Variants in MYOM3 observed in about 807,000 individuals in gnomAD.
The protein encoded by MYOM3 is myomesin-3.
A neutral mutation model predicts 191.7 loss-of-function variants in MYOM3; 155 were observed. That is an observed-to-expected ratio of 0.81 (90% CI 0.71 to 0.92). MYOM3 has a LOEUF of 0.92. Among genes scored for constraint, MYOM3 ranks in the 40% least tolerant of loss-of-function variants. The pLI is 0.00. For synonymous variants in MYOM3, 757 were observed against 762.9 expected, an observed-to-expected ratio of 0.99 and a Z score of 0.13; for missense variants, 1,889 against 1,890.6, an observed-to-expected ratio of 1.00 and a Z score of 0.02.
rs1262300460 is a variant in MYOM3, at chr1:24,063,318, T to G, written c.3662-84A>C. 7.3e-7 allele frequency: 1 copy of G among 1,367,616 alleles called. No homozygotes were observed. Among genetic ancestry groups the G allele is most frequent in the Admixed American group, 1.7e-5 (1 of 58,372 alleles). 84.7% of individuals were successfully genotyped at this position (1,367,616 alleles called of 1,614,324 possible). On this transcript the variant is annotated intron_variant, in intron 31 of 36. Coordinates refer to ENST00000374434, the MANE Select transcript of MYOM3 (RefSeq NM_152372.4). This position sits in a 1 kb window ranked among gnomAD's most constrained non-coding sequence, Gnocchi z 4.5. ...GGGGCCGGCTTGTCTGCCTCTGCCC[T>G]GGGGGGCAGGTGCTGTGGGGGAAAT...
chr1:24,099,199 T>C (rs1643894658), intron 6 of MYOM3, among the ~76,000 whole-genome samples: 1 of 152,192 alleles, frequency 6.6e-6, no homozygotes, highest in South Asian at 2.1e-4. Flanking sequence ...AAGGCTGAAC[T>C]CTCTCCCATG....
In MYOM3 at chr1:24,082,061, G is replaced by C. The variant is rs1401288722; in HGVS notation, c.2220C>G (p.Asp740Glu). ...KILGYFLDQH[D>E]SEELDWHAVN... is the part of the protein sequence containing the mutation. ...CCGCATGCCAGTCCAGCTCTTCCGAGTCATGCTGGTCCAGGAAGTAGCCCA... is the reference window on the plus strand; with the variant it reads ...CCGCATGCCAGTCCAGCTCTTCCGACTCATGCTGGTCCAGGAAGTAGCCCA... Residue 740 changes from aspartate to glutamate, a missense_variant, in exon 18 of 37, where the codon GAC becomes GAG. Physicochemically the swap from Asp to Glu is conservative, Grantham distance 45. Coordinates refer to ENST00000374434, the MANE Select transcript of MYOM3 (RefSeq NM_152372.4). The C allele has an allele frequency of 1.2e-6, 2 of 1,612,740 alleles. No homozygotes were observed. The highest frequency in any genetic ancestry group is 2.7e-5 in the African/African-American group (2 of 74,940).
chr1:24,069,833 AC>A (rs1347686404), intron 25 of MYOM3, among the ~76,000 whole-genome samples: 3 of 150,356 alleles, frequency 2.0e-5, no homozygotes, highest in African/African-American at 7.4e-5. Flanking sequence ...CTGGTCTTGA[AC>A]TCCTGACCTC....
Position 24,094,880 on chromosome 1 carries a change from C to A in MYOM3, c.901G>T (p.Ala301Ser), listed in dbSNP as rs369834321. The A allele has an allele frequency of 2.5e-6, 4 of 1,613,682 alleles. No individual in the cohort carries two copies. The African/African-American group carries it at 4.0e-5, about 16-fold the overall frequency. ...TCTCGGAACCACTGGATGCTCTCAG[C>A]ATCTAACACATCTTCCGAAAACAAG... ...SCLFSEDVLD[A>S]ESIQWFRDGS... The change falls in exon 9 of 37, where the codon GCT becomes TCT. Residue 301 changes from alanine (A) to serine (S), a missense_variant. Ala to Ser is a moderately conservative substitution (Grantham distance 99). Transcript: ENST00000374434.
Position 24,089,628 on chromosome 1 carries a change from A to C in MYOM3, c.1524T>G (p.His508Gln). 1.3e-6 allele frequency: 2 copies of C among 1,594,214 alleles called. No individual in the cohort carries two copies. Among genetic ancestry groups the C allele is most frequent in the South Asian group, 1.1e-5 (1 of 87,320 alleles). The change falls in exon 14 of 37, where the codon CAT (histidine) becomes CAG (glutamine). Residue 508 changes from histidine (H) to glutamine (Q), a missense_variant. By Grantham distance (24) the His-to-Gln change is conservative (BLOSUM62 0). Coordinates refer to ENST00000374434, the MANE Select transcript of MYOM3 (RefSeq NM_152372.4). ...CATAGGCCTCTCGGATCTCGCTGGC[A>C]TGGACATTGGTTGGCGGTGAGGGGA... ...VTIPSPPTNV[H>Q]ASEIREAYVV... is the part of the protein sequence containing the mutation.
In MYOM3 at chr1:24,089,554, G is replaced by A. The variant is rs542942194; in HGVS notation, c.1598C>T (p.Thr533Met). ...EPSPRDRAPL[T>M]YSLEKSVIGS... ...GTTCCCTACCTTCTCCAGGGAGTAC[G>A]TCAGTGGTGCTCTGTCCCGGGGGCT... Residue 533 changes from threonine (T) to methionine (M), a missense_variant, in exon 14 of 37, where the codon ACG (threonine) becomes ATG (methionine). Transcript: ENST00000374434. 7.8e-5 allele frequency: 125 copies of A among 1,602,562 alleles called. 1 individual carries two copies. The South Asian group carries it at 1.2e-3, about 15-fold the overall frequency.
At position 24,111,028 on chromosome 1, in the gene MYOM3, G is replaced by A. The variant is rs1441141140; in HGVS notation, c.-19+1003C>T. ...CCTGGCGCTCGTCCCTGACCTCGGG[G>A]CCTCCAGCAACCAGACCCCTGGCTT... is the stretch of plus-strand genomic sequence containing the variant. On this transcript the variant is annotated intron_variant, in intron 1 of 36. Transcript: ENST00000374434. This position sits in a 1 kb window ranked among gnomAD's most constrained non-coding sequence, Gnocchi z 4.7. 6.6e-6 allele frequency among the ~76,000 whole-genome samples: 1 copy of A among 152,242 alleles called. No homozygotes were observed. Among genetic ancestry groups the A allele is most frequent in the Non-Finnish European group, 1.5e-5 (1 of 68,040 alleles).
chr1:24,096,589 G>T (rs564227550), intron 7 of MYOM3, among the ~76,000 whole-genome samples: 1 of 152,346 alleles, frequency 6.6e-6, no homozygotes, highest in African/African-American at 2.4e-5. Context: ...TTAGGGAACA[G>T]GACAGTGGGT....
chr1:24,099,541 G>A (rs1643896854), intron 6 of MYOM3, 139 bp downstream of exon 6: 3 of 641,788 alleles, frequency 4.7e-6, no homozygotes, highest in South Asian at 1.8e-5. Flanking sequence ...CCCAGGAATC[G>A]GTATTTTGAC....
In MYOM3 at chr1:24,105,953, G is replaced by C. The variant is rs1318422433; in HGVS notation, c.527C>G (p.Thr176Ser). ...WEHTTVLLTC[T>S]VQASPPPQVT... ...CTGGGGTGGTGGTGAGGCCTGGACAGTGCAGGTCAGCAGGACCGTGGTGTG... is the reference window on the plus strand; with the variant it reads ...CTGGGGTGGTGGTGAGGCCTGGACACTGCAGGTCAGCAGGACCGTGGTGTG... The change falls in exon 5 of 37, where the codon ACT (threonine) becomes AGT (serine). Residue 176 changes from threonine to serine, a missense_variant. Coordinates refer to ENST00000374434, the MANE Select transcript of MYOM3 (RefSeq NM_152372.4). 6.2e-7 allele frequency: 1 copy of C among 1,613,762 alleles called. No homozygotes were observed. Among genetic ancestry groups the C allele is most frequent in the Non-Finnish European group, 8.5e-7 (1 of 1,179,962 alleles).
At chr1:24,070,327 G>T (rs1183766278) in intron 25 of MYOM3, among the ~76,000 whole-genome samples, 1 of 151,962 alleles carries the variant, frequency 6.6e-6, no homozygotes, top group Admixed American at 6.6e-5. Context: ...TCAGTGTATA[G>T]TAACATTGCA....
chr1:24,057,223 C>G lies in MYOM3; in HGVS notation c.*141G>C, dbSNP rs1051578497. 1.4e-5 allele frequency: 12 copies of G among 845,120 alleles called. No individual in the cohort carries two copies. Among genetic ancestry groups the G allele is most frequent in the Admixed American group, 2.9e-5 (1 of 34,750 alleles). The allele number at this position is 845,120 out of a possible 1,614,324, so 52.4% of individuals were successfully genotyped here. A position where few individuals can be genotyped will look rare whatever the true frequency, so the allele number is the denominator to read the frequency against. ...TCCACTTTGGTGCATCCGCTCCACC[C>G]CCACCCTCACATCCTGGGTTCTATC... On this transcript the variant is annotated 3_prime_UTR_variant, in exon 37 of 37. Transcript: ENST00000374434.
At position 24,095,425 on chromosome 1, in the gene MYOM3, TC is replaced by T. The variant is rs1322429568; in HGVS notation, c.790+16del. ...GAACAAAGAATCCCAGGTCCCGTTC[TC>T]CCCCAGCCGACTTACTTTTGAAGAT... On this transcript the variant is annotated intron_variant, in intron 8 of 36. Transcript: ENST00000374434. 1 of 1,610,108 alleles carries T rather than the reference TC, an allele frequency of 6.2e-7. No homozygotes were observed. Among genetic ancestry groups the T allele is most frequent in the Non-Finnish European group, 8.5e-7 (1 of 1,177,534 alleles).
intron 7 of MYOM3, among the ~76,000 whole-genome samples, chr1:24,095,787 C>T (rs568636769): frequency 2.6e-5 from 4 of 152,252 alleles, no homozygotes; most frequent in East Asian, 3.9e-4. Context: ...AAACTTGCCC[C>T]CAGGATTATG....
In MYOM3 at chr1:24,076,198, A is replaced by G; in HGVS notation, c.2662T>C (p.Ser888Pro). The change falls in exon 21 of 37, where the codon TCC (serine) becomes CCC (proline). Residue 888 changes from serine to proline, a missense_variant. Coordinates refer to ENST00000374434, the MANE Select transcript of MYOM3 (RefSeq NM_152372.4). ...AMNSAGLGQP[S>P]MPTDPVLLED... ...AGGAGCACGGGATCAGTGGGCATGG[A>G]CGGTTGCCCCAGACCAGCTGAATTC... 1 of 1,614,166 alleles carries G rather than the reference A, an allele frequency of 6.2e-7. No individual in the cohort carries two copies. The highest frequency in any genetic ancestry group is 8.5e-7 in the Non-Finnish European group (1 of 1,179,998).
intron 12 of MYOM3, 34 bp from the exon 13 acceptor site, chr1:24,090,152 G>A (rs747481954): frequency 3.6e-5 from 57 of 1,571,940 alleles, no homozygotes; most frequent in Non-Finnish European, 4.5e-5. Flanking sequence ...AGGGTGGGGG[G>A]TGGCACAGGA....
intron 21 of MYOM3, 151 bp from the exon 22 acceptor site, chr1:24,075,626 G>C (rs961441166): frequency 4.0e-6 from 3 of 753,864 alleles, no homozygotes; most frequent in African/African-American, 3.6e-5. Context: ...GCAGGATCCG[G>C]CTCCTTCCCA....
In MYOM3 at chr1:24,061,186, G is replaced by T. The variant is rs576902527; in HGVS notation, c.3971+87C>A. On this transcript the variant is annotated intron_variant, in intron 34 of 36. Transcript: ENST00000374434. The stretch of plus-strand genomic sequence containing the variant: ...ATGAAGGAAAGGTGGAGCTGGCTGG[G>T]GCTCCCAGGAAGGAGTCCTGAGCCT... 3.7e-6 allele frequency: 6 copies of T among 1,602,526 alleles called. No homozygotes were observed. In the Admixed American group the frequency reaches 1.0e-4, roughly 27 times the overall value.
chr1:24,107,262 G>A, intron 3 of MYOM3, 30 bp from the exon 4 acceptor site: 1 of 1,566,684 alleles, frequency 6.4e-7, no homozygotes, highest in Non-Finnish European at 8.7e-7. Flanking sequence ...CGGGGCTCAG[G>A]CAGGGATGGG....
Sources: allele counts gnomAD v4.1 joint callset (sites outside exome capture counted in the v4.1 genomes callset), GRCh38; gene constraint gnomAD v4.1.1; non-coding constraint Gnocchi (gnomAD v3.1); transcripts MANE v1.5; gene names NCBI Gene and HGNC (gene_info 2026-07-23, HGNC 2026-07-21).